The following UBQLN1 variants were observed in gnomAD, a reference collection of about 807,000 sequenced individuals.
UBQLN1 encodes the protein ubiquilin-1.
A neutral mutation model predicts 65.4 loss-of-function variants in UBQLN1; 13 were observed. The observed-to-expected ratio is 0.20, with a 90% CI of 0.13 to 0.32. The LOEUF (loss-of-function observed/expected upper bound fraction) is 0.32, where lower values mean the gene tolerates loss of function less well. Among genes scored for constraint, UBQLN1 ranks in the 10% least tolerant of loss-of-function variants. The probability of loss-of-function intolerance (pLI) is 1.00; values close to 1 mark genes in which losing one functional copy is unlikely to be tolerated. For missense variants in UBQLN1, 561 were observed against 724.0 expected (o/e 0.77, Z 2.58); for synonymous variants, 267 against 247.8 (o/e 1.08, Z -0.73).
At chr9:83,663,491 A>T (rs546270254) in intron 10 of UBQLN1, among the ~76,000 whole-genome samples, 2 of 152,206 alleles carry the variant, frequency 1.3e-5, no homozygotes, top group East Asian at 3.8e-4. Context: ...GACAGACTAG[A>T]ATACAGCTGC....
Position 83,662,265 on chromosome 9 carries a change from TATAC to T in UBQLN1, c.1618-330_1618-327del, listed in dbSNP as rs201294210. Among the ~76,000 whole-genome samples, 76 of 89,422 alleles carry T rather than the reference TATAC, an allele frequency of 8.5e-4. No homozygotes were observed. In the East Asian group the frequency reaches 0.017, roughly 20 times the overall value. The allele number at this position is 89,422 out of a possible 152,430, so 58.7% of individuals were successfully genotyped here. On this transcript the variant is annotated intron_variant, in intron 10 of 10. Transcript: ENST00000376395. ...ACCTGTATGTGTGTGTGTATATACA[TATAC>T]ATATACACACACACACACACACACA... is the stretch of plus-strand genomic sequence containing the variant.
intron 1 of UBQLN1, among the ~76,000 whole-genome samples, chr9:83,704,499 T>C (rs17080575): frequency 0.17 from 24,780 of 149,888 alleles, 3,052 homozygotes; most frequent in East Asian, 0.51. Context: ...CAGAAAAGGC[T>C]ACTTCAGAAA....
chr9:83,688,725 G>C (rs1181174631), intron 1 of UBQLN1, among the ~76,000 whole-genome samples: 1 of 152,072 alleles, frequency 6.6e-6, no homozygotes, highest in African/African-American at 2.4e-5. Flanking sequence ...GCTGGGCATT[G>C]TGGTGCATGT....
At position 83,680,015 on chromosome 9, in the gene UBQLN1, A is replaced by C. The variant is rs1831913344; in HGVS notation, c.471T>G (p.Gly157=). ...TAGTATTCAAACCCAAGCTACTCAG[A>C]CCTGCAAGTCCCCCAAGGCCACCTA... ...FGLGGLGGLA[G]LSSLGLNTTN... The change falls in exon 4 of 11, where the codon GGT becomes GGG. Residue 157 remains glycine, a synonymous_variant. Transcript: ENST00000376395. The C allele has an allele frequency of 1.2e-6, 2 of 1,613,312 alleles. No homozygotes were observed. Among genetic ancestry groups the C allele is most frequent in the Non-Finnish European group, 1.7e-6 (2 of 1,179,280 alleles).
At chr9:83,671,758 T>C (rs1372006733) in intron 6 of UBQLN1, among the ~76,000 whole-genome samples, 1 of 152,204 alleles carries the variant, frequency 6.6e-6, no homozygotes, top group Non-Finnish European at 1.5e-5. Context: ...GAATAATAAA[T>C]GAGCACTGGC....
chr9:83,667,734 T>C (rs7846925), intron 7 of UBQLN1: 122,805 of 978,652 alleles, frequency 0.13, 8,100 homozygotes, highest in Non-Finnish European at 0.13. Flanking sequence ...TATTAGATAC[T>C]TCTTATAACT....
intron 4 of UBQLN1, 90 bp from the exon 5 acceptor site, chr9:83,678,689 A>C: frequency 2.3e-6 from 3 of 1,296,278 alleles, no homozygotes; most frequent in Non-Finnish European, 3.2e-6. Context: ...CCATTAAACA[A>C]AGTTTATGGG....
intron 1 of UBQLN1, among the ~76,000 whole-genome samples, chr9:83,696,229 G>C (rs1224464948): frequency 1.3e-5 from 2 of 152,164 alleles, no homozygotes; most frequent in Non-Finnish European, 1.5e-5. Context: ...ATGATGTCTT[G>C]ATATATGTAA....
intron 6 of UBQLN1, among the ~76,000 whole-genome samples, chr9:83,673,196 C>T (rs1379493611): frequency 6.6e-6 from 1 of 152,178 alleles, no homozygotes. Flanking sequence ...TACCACTGCA[C>T]TCCAGCCTGG....
At chr9:83,664,179 T>C (rs1831606854) in intron 9 of UBQLN1, 136 bp from the exon 10 acceptor site, 1 of 847,864 alleles carries the variant, frequency 1.2e-6, no homozygotes, top group Middle Eastern at 3.7e-4. Flanking sequence ...TGGCTCATTC[T>C]GGGAGACCGA....
intron 3 of UBQLN1, 49 bp downstream of exon 3, chr9:83,682,902 G>A (rs1470254522): frequency 9.7e-7 from 1 of 1,029,242 alleles, no homozygotes. Context: ...CCCAGGAAGG[G>A]AAAGGAGTAT....
At chr9:83,686,656 T>C (rs1421344134) in intron 1 of UBQLN1, among the ~76,000 whole-genome samples, 1 of 152,148 alleles carries the variant, frequency 6.6e-6, no homozygotes, top group East Asian at 1.9e-4. Flanking sequence ...AAATAATCCA[T>C]TCCTCAGACT....
At position 83,679,768 on chromosome 9, in the gene UBQLN1, C is replaced by T; in HGVS notation, c.711+7G>A. The stretch of plus-strand genomic sequence containing the variant: ...AGCTAAACGAACTGAAAGAACTTTC[C>T]ACATACTTGTCTCATTATATCTGGA... On this transcript the variant is annotated splice_region_variant and intron_variant, in intron 4 of 10. Coordinates refer to ENST00000376395, the MANE Select transcript of UBQLN1 (RefSeq NM_013438.5). 1 of 1,611,546 alleles carries T rather than the reference C, an allele frequency of 6.2e-7. No individual in the cohort carries two copies. Among genetic ancestry groups the T allele is most frequent in the Non-Finnish European group, 8.5e-7 (1 of 1,178,180 alleles).
chr9:83,691,202 T>C (rs1275561616), intron 1 of UBQLN1, among the ~76,000 whole-genome samples: 2 of 151,544 alleles, frequency 1.3e-5, no homozygotes, highest in African/African-American at 2.4e-5. Flanking sequence ...ATAATACATA[T>C]ATATATATAT....
chr9:83,673,604 A>T (rs1831777508), intron 6 of UBQLN1, among the ~76,000 whole-genome samples: 1 of 151,308 alleles, frequency 6.6e-6, no homozygotes, highest in South Asian at 2.1e-4. Context: ...TTTATTTTTA[A>T]ATAGTTAAGG....
chr9:83,686,150 C>G lies in UBQLN1; in HGVS notation c.186G>C (p.Lys62Asn). The change falls in exon 2 of 11, where the codon AAG becomes AAC. Residue 62 changes from lysine (K) to asparagine (N), a missense_variant. Lys to Asn is a moderately conservative substitution (Grantham distance 94). Coordinates refer to ENST00000376395, the MANE Select transcript of UBQLN1 (RefSeq NM_013438.5). ...VPENSSVQQF[K>N]EEISKRFKSH... ...ATTTAAAACGTTTAGAGATTTCTTC[C>G]TTAAACTAAATAAAAATAAAATAAG... The G allele has an allele frequency of 6.4e-7, 1 of 1,558,498 alleles. No individual in the cohort carries two copies.
chr9:83,685,637 CCTTAGA>C (rs1416992343), intron 2 of UBQLN1, among the ~76,000 whole-genome samples: 6 of 149,602 alleles, frequency 4.0e-5, no homozygotes, highest in Admixed American at 1.3e-4. Context: ...AAAAAAAGTT[CCTTAGA>C]CTTAAAGAAA....
Position 83,669,283 on chromosome 9 carries a change from T to C in UBQLN1, c.1150A>G (p.Ile384Val), listed in dbSNP as rs2037883362. Residue 384 changes from isoleucine (I) to valine (V), a missense_variant, in exon 7 of 11, where the codon ATA becomes GTA. By Grantham distance (29) the Ile-to-Val change is conservative. Transcript: ENST00000376395. ...TGCATCAGTTGTGGGTTTTCAGTTA[T>C]TTGTTGCAACAAGCTCTGCATTCCT... ...TPGMQSLLQQ[I>V]TENPQLMQNM... 1 of 1,612,324 alleles carries C rather than the reference T, an allele frequency of 6.2e-7. No homozygotes were observed. The highest frequency in any genetic ancestry group is 8.5e-7 in the Non-Finnish European group (1 of 1,179,688).
At chr9:83,669,465 A>G in intron 6 of UBQLN1, 138 bp from the exon 7 acceptor site, 5 of 794,706 alleles carry the variant, frequency 6.3e-6, no homozygotes, top group Admixed American at 3.7e-5. Context: ...CTGAACTACG[A>G]AAGAACTTTA....
Sources: allele counts gnomAD v4.1 joint callset (sites outside exome capture counted in the v4.1 genomes callset), GRCh38; gene constraint gnomAD v4.1.1; transcripts MANE v1.5; gene names NCBI Gene and HGNC (gene_info 2026-07-23, HGNC 2026-07-21).